Variants in MARCHF6 observed in about 807,000 individuals in gnomAD.
MARCHF6 encodes the protein membrane associated ring-CH-type finger 6.
MARCHF6 carries 31 observed loss-of-function variants against 133.7 expected under a neutral mutation model. That is an observed-to-expected ratio of 0.23 (90% CI 0.17 to 0.31). MARCHF6 has a LOEUF of 0.31. Ranked by LOEUF, MARCHF6 falls within the 10% of genes least tolerant of loss-of-function variation. MARCHF6 has a pLI of 1.00. For synonymous variants in MARCHF6, 395 were observed against 402.5 expected (o/e 0.98, Z 0.22); for missense variants, 723 against 1,121.6 (o/e 0.64, Z 5.08).
In MARCHF6 at chr5:10,353,763, C is replaced by G. The variant is rs1735245952; in HGVS notation, c.-136C>G. The G allele has an allele frequency of 1.5e-6, 1 of 671,752 alleles. No individual in the cohort carries two copies. The highest frequency in any genetic ancestry group is 2.5e-6 in the Non-Finnish European group (1 of 396,012). The allele number at this position is 671,752 out of a possible 1,614,324, so 41.6% of individuals were successfully genotyped here. On this transcript the variant is annotated 5_prime_UTR_variant, in exon 1 of 26. Coordinates refer to ENST00000274140, the MANE Select transcript of MARCHF6 (RefSeq NM_005885.4). Reference sequence around the variant, plus strand: ...CTCTCTCCCTCTCCCTCTCCCCTCTCCTTCCTCTCGCTTCCTCTCTCGCAC... The same window carrying G: ...CTCTCTCCCTCTCCCTCTCCCCTCTGCTTCCTCTCGCTTCCTCTCTCGCAC...
rs546776489 is a variant in MARCHF6, at chr5:10,363,477, CAGAA to C, written c.19+9565_19+9568del. On this transcript the variant is annotated intron_variant, in intron 1 of 25. Coordinates refer to ENST00000274140, the MANE Select transcript of MARCHF6 (RefSeq NM_005885.4). ...TCACACCTGCTAGGATGGCTATAAT[CAGAA>C]AGAACAGGTAAGTGTTGGTGAGCAT... 8.5e-5 allele frequency among the ~76,000 whole-genome samples: 13 copies of C among 152,266 alleles called. No homozygotes were observed. In the East Asian group the frequency reaches 1.7e-3, roughly 20 times the overall value.
chr5:10,427,012 A>C (rs1229895674), intron 24 of MARCHF6, among the ~76,000 whole-genome samples: 1 of 152,240 alleles, frequency 6.6e-6, no homozygotes. Flanking sequence ...CAAAATTATA[A>C]GCAGAGACTT....
At chr5:10,382,179 A>G (rs927656012) in intron 4 of MARCHF6, among the ~76,000 whole-genome samples, 1 of 152,214 alleles carries the variant, frequency 6.6e-6, no homozygotes, top group East Asian at 1.9e-4. Context: ...GCTAACCATG[A>G]AAGTTCATGA....
At position 10,439,194 on chromosome 5, in the gene MARCHF6, G is replaced by A. The variant is rs1488336612; in HGVS notation, c.*5510G>A. On this transcript the variant is annotated 3_prime_UTR_variant, in exon 26 of 26. Transcript: ENST00000274140. ...TAACCCAACATGTATGTGGACAACT[G>A]GTTTTTGACAGAGGTGCAAAGGTCT... 1 of 152,104 alleles carries A rather than the reference G, an allele frequency of 6.6e-6. No individual in the cohort carries two copies. Among genetic ancestry groups the A allele is most frequent in the African/African-American group, 2.4e-5 (1 of 41,412 alleles). The allele number at this position is 152,104 out of a possible 1,614,324, so 9.4% of individuals were successfully genotyped here.
At chr5:10,427,896 A>C (rs1326537119) in intron 24 of MARCHF6, among the ~76,000 whole-genome samples, 7 of 152,074 alleles carry the variant, frequency 4.6e-5, no homozygotes, top group African/African-American at 1.7e-4. Context: ...GGCGAGACCC[A>C]ACCTCTAAAA....
At position 10,387,914 on chromosome 5, in the gene MARCHF6, G is replaced by A. The variant is rs748317586; in HGVS notation, c.407+848G>A. On this transcript the variant is annotated intron_variant, in intron 5 of 25. Transcript: ENST00000274140. ...TAACCTCAAGTAATCTGCCTGCCTC[G>A]GCCTCTCAAAGTGCTGGGGTTACAG... is the stretch of plus-strand genomic sequence containing the variant. 2.0e-5 allele frequency among the ~76,000 whole-genome samples: 3 copies of A among 152,052 alleles called. No homozygotes were observed. The South Asian group carries it at 6.2e-4, about 32-fold the overall frequency.
chr5:10,397,021 C>G (rs908774721), intron 9 of MARCHF6, among the ~76,000 whole-genome samples: 1 of 151,990 alleles, frequency 6.6e-6, no homozygotes, highest in Non-Finnish European at 1.5e-5. Flanking sequence ...TGTAATTTGT[C>G]GTAGATTATT....
intron 22 of MARCHF6, among the ~76,000 whole-genome samples, chr5:10,420,843 TAGATA>T (rs1739787433): frequency 6.6e-6 from 1 of 152,242 alleles, no homozygotes; most frequent in Non-Finnish European, 1.5e-5. Flanking sequence ...CCACTTTTTC[TAGATA>T]AGATTTATTT....
chr5:10,353,771 T>G lies in MARCHF6; in HGVS notation c.-128T>G, dbSNP rs1414261119. The G allele has an allele frequency of 7.9e-6, 5 of 631,548 alleles. No homozygotes were observed. Among genetic ancestry groups the G allele is most frequent in the Non-Finnish European group, 1.3e-5 (5 of 383,708 alleles). 39.1% of individuals were successfully genotyped at this position (631,548 alleles called of 1,614,324 possible). On this transcript the variant is annotated 5_prime_UTR_variant, in exon 1 of 26. Coordinates refer to ENST00000274140, the MANE Select transcript of MARCHF6 (RefSeq NM_005885.4). ...CTCTCCCTCTCCCCTCTCCTTCCTC[T>G]CGCTTCCTCTCTCGCACCTGAGCGT...
intron 1 of MARCHF6, among the ~76,000 whole-genome samples, chr5:10,368,182 A>T (rs1736250868): frequency 2.0e-5 from 3 of 152,196 alleles, no homozygotes; most frequent in Non-Finnish European, 4.4e-5. Context: ...TAGTATACAA[A>T]ACAGGCTATT....
rs375149312 is a variant in MARCHF6 at position 10,426,653 on chromosome 5, A to G, written c.2506+131A>G. 25 of 980,534 alleles carry G rather than the reference A, an allele frequency of 2.5e-5. No individual in the cohort carries two copies. The African/African-American group carries it at 2.8e-4, about 11-fold the overall frequency. The allele number at this position is 980,534 out of a possible 1,614,324, so 60.7% of individuals were successfully genotyped here. On this transcript the variant is annotated intron_variant, in intron 24 of 25. Transcript: ENST00000274140. ...AAATGTGAATCCAGCTAAGACAATG[A>G]TTTCAAAATACCACTTTTCTTAGAT...
rs538609919 is a variant in MARCHF6, at chr5:10,372,738, C to G, written c.20-5060C>G. On this transcript the variant is annotated intron_variant, in intron 1 of 25. Transcript: ENST00000274140. ...CGTGAAAATAACTATTCCAAACTCC[C>G]AAAATTGATGAGGAAAGTGGATTTG... is the stretch of plus-strand genomic sequence containing the variant. Among the ~76,000 whole-genome samples, 5 of 152,256 alleles carry G rather than the reference C, an allele frequency of 3.3e-5. No individual in the cohort carries two copies. The South Asian group carries it at 1.0e-3, about 32-fold the overall frequency.
intron 1 of MARCHF6, among the ~76,000 whole-genome samples, chr5:10,374,619 A>G (rs922267337): frequency 2.6e-5 from 4 of 152,212 alleles, no homozygotes; most frequent in Admixed American, 2.6e-4. Flanking sequence ...TGGGCCAGTA[A>G]TAAGACTGAT....
intron 19 of MARCHF6, 122 bp downstream of exon 19, chr5:10,411,659 A>G (rs1290728081): frequency 1.6e-6 from 1 of 626,106 alleles, no homozygotes; most frequent in Admixed American, 3.8e-5. Flanking sequence ...TCCACATTTT[A>G]TTACCCTCAT....
intron 19 of MARCHF6, among the ~76,000 whole-genome samples, chr5:10,411,969 A>G (rs1223930370): frequency 6.6e-6 from 1 of 152,246 alleles, no homozygotes; most frequent in African/African-American, 2.4e-5. Flanking sequence ...GCAAGTGATC[A>G]ATCTTTGTGC....
intron 22 of MARCHF6, among the ~76,000 whole-genome samples, chr5:10,418,381 C>CAA (rs36005391): frequency 0.024 from 2,173 of 92,194 alleles, 54 homozygotes; most frequent in African/African-American, 0.079. Context: ...ACCCTGTCTC[C>CAA]AAAAAAAAAA....
intron 25 of MARCHF6, among the ~76,000 whole-genome samples, chr5:10,432,723 A>G (rs1310221197): frequency 6.6e-6 from 1 of 152,052 alleles, no homozygotes; most frequent in Non-Finnish European, 1.5e-5. Flanking sequence ...CTTTCATCAC[A>G]TACATAAGTT....
At chr5:10,373,171 T>C (rs1736567500) in intron 1 of MARCHF6, among the ~76,000 whole-genome samples, 1 of 152,182 alleles carries the variant, frequency 6.6e-6, no homozygotes, top group Admixed American at 6.5e-5. Flanking sequence ...CCAGTTCTCT[T>C]CTCTAGGCCA....
At chr5:10,377,749 TA>T in intron 1 of MARCHF6, 48 bp from the exon 2 acceptor site, 2 of 1,384,074 alleles carry the variant, frequency 1.4e-6, no homozygotes, top group Non-Finnish European at 2.1e-6. Flanking sequence ...CTTGCTTTTT[TA>T]AAAAAGTTAT....
Sources: gnomAD v4.1 joint callset for allele counts (sites outside exome capture counted in the v4.1 genomes callset) on GRCh38, gnomAD v4.1.1 for gene constraint, MANE v1.5 for transcripts, NCBI Gene and HGNC (gene_info 2026-07-23, HGNC 2026-07-21) for gene names.